The following TAF4B variants were observed in gnomAD, a reference collection of about 807,000 sequenced individuals.
TAF4B encodes the protein transcription initiation factor TFIID subunit 4B.
TAF4B carries 38 observed loss-of-function variants against 86.4 expected under a neutral mutation model. The ratio of observed to expected loss-of-function variants is 0.44; its 90% CI spans 0.34 to 0.58. TAF4B has a LOEUF of 0.58. Among genes scored for constraint, TAF4B ranks in the 20% least tolerant of loss-of-function variants. The pLI, the probability that TAF4B is intolerant of heterozygous loss-of-function variation, is 0.02. For synonymous variants in TAF4B, 388 were observed against 391.2 expected, an observed-to-expected ratio of 0.99 and a Z score of 0.10; for missense variants, 988 against 1,027.6, an observed-to-expected ratio of 0.96 and a Z score of 0.53.
In TAF4B at chr18:26,377,569, A is replaced by G. The variant is rs565022246; in HGVS notation, c.2422-12276A>G. ...AAAACCGTAAAGTAGATTAATTAGT[A>G]TCTGCTTGCTTTAACTTGAATGTGT... On this transcript the variant is annotated intron_variant, in intron 14 of 14. Coordinates refer to ENST00000269142, the MANE Select transcript of TAF4B (RefSeq NM_005640.3). Among the ~76,000 whole-genome samples, 16 of 152,328 alleles carry G rather than the reference A, an allele frequency of 1.1e-4. No individual in the cohort carries two copies. The East Asian group carries it at 3.1e-3, about 29-fold the overall frequency.
chr18:26,329,669 T>A (rs2057035919), intron 12 of TAF4B, among the ~76,000 whole-genome samples: 1 of 152,264 alleles, frequency 6.6e-6, no homozygotes, highest in Non-Finnish European at 1.5e-5. Context: ...TCTTTCCTTA[T>A]GATTTGACTT....
chr18:26,295,353 G>A (rs766201567), intron 9 of TAF4B: 16 of 189,290 alleles, frequency 8.5e-5, no homozygotes, highest in Non-Finnish European at 1.6e-4. Context: ...TAACATTTTT[G>A]GCACCAGGGA....
intron 6 of TAF4B, among the ~76,000 whole-genome samples, chr18:26,283,402 A>G (rs563534137): frequency 1.6e-4 from 24 of 152,238 alleles, no homozygotes; most frequent in African/African-American, 5.5e-4. Flanking sequence ...TGTATTGTCA[A>G]TGAGTGGTAA....
intron 5 of TAF4B, among the ~76,000 whole-genome samples, chr18:26,278,841 G>A (rs2056413326): frequency 6.6e-6 from 1 of 152,076 alleles, no homozygotes; most frequent in Admixed American, 6.5e-5. Flanking sequence ...TAAGCAATGT[G>A]TAAAGGTTCC....
rs1484111730 is a variant in TAF4B at position 26,315,155 on chromosome 18, T to TCACACACACA, written c.1833-73_1833-72insACACACACAC. ...CTCTCTCTCTCTCTCTGTCTCTCTC[T>TCACACACACA]CTCTCTCACACACACACACACACAC... is the stretch of plus-strand genomic sequence containing the variant. On this transcript the variant is annotated intron_variant, in intron 9 of 14. Transcript: ENST00000269142. 8.6e-5 allele frequency: 40 copies of TCACACACACA among 465,778 alleles called. 1 individual carries two copies. The highest frequency in any genetic ancestry group is 5.1e-4 in the African/African-American group (17 of 33,028). The allele number at this position is 465,778 out of a possible 1,614,324, so 28.9% of individuals were successfully genotyped here. A position where few individuals can be genotyped will look rare whatever the true frequency, so the allele number is the denominator to read the frequency against.
rs369752845 is a variant in TAF4B, at chr18:26,390,218, G to C, written c.*206G>C. ...ATTCATCTTTGTCTTCTGAAAATCA[G>C]TTATGAAATACACTTTGCACAGAAT... On this transcript the variant is annotated 3_prime_UTR_variant, in exon 15 of 15. Coordinates refer to ENST00000269142, the MANE Select transcript of TAF4B (RefSeq NM_005640.3). 2.0e-6 allele frequency: 1 copy of C among 505,172 alleles called. No individual in the cohort carries two copies. The highest frequency in any genetic ancestry group is 3.3e-5 in the East Asian group (1 of 29,930). 31.3% of individuals were successfully genotyped at this position (505,172 alleles called of 1,614,324 possible).
At chr18:26,354,053 G>T (rs762463146) in intron 13 of TAF4B, among the ~76,000 whole-genome samples, 4 of 152,086 alleles carry the variant, frequency 2.6e-5, no homozygotes, top group Non-Finnish European at 5.9e-5. Flanking sequence ...TTTGCACGTG[G>T]ATGTTCAGTT....
chr18:26,300,077 G>C (rs2056712316), intron 9 of TAF4B, among the ~76,000 whole-genome samples: 1 of 152,018 alleles, frequency 6.6e-6, no homozygotes, highest in Non-Finnish European at 1.5e-5. Flanking sequence ...AAACTCCTGG[G>C]CTCAAGCCAT....
In TAF4B at chr18:26,315,275, C is replaced by T. The variant is rs1259306621; in HGVS notation, c.1879C>T (p.Leu627Phe). The change falls in exon 10 of 15, where the codon CTT becomes TTT. Residue 627 changes from leucine (L) to phenylalanine (F), a missense_variant. Around this residue, in one of 3 missense-constraint regions of TAF4B, gnomAD observed 25 missense variants for 51.3 expected, o/e 0.49. Transcript: ENST00000269142. ...TGTGACTTCTATGGCAGGGGTCAAC[C>T]TTAATGAAGAAAATGCCTGCATCTT... The part of the protein sequence containing the change: ...NDVTSMAGVN[L>F]NEENACILAT... 8.7e-6 allele frequency: 14 copies of T among 1,612,474 alleles called. No individual in the cohort carries two copies. Among genetic ancestry groups the T allele is most frequent in the Non-Finnish European group, 1.2e-5 (14 of 1,179,824 alleles).
At chr18:26,361,317 G>T (rs1341385234) in intron 14 of TAF4B, among the ~76,000 whole-genome samples, 1 of 149,768 alleles carries the variant, frequency 6.7e-6, no homozygotes, top group Non-Finnish European at 1.5e-5. Context: ...AGAGACAAGG[G>T]TCTCACTATG....
At chr18:26,241,836 T>A (rs2055844362) in intron 1 of TAF4B, among the ~76,000 whole-genome samples, 1 of 152,248 alleles carries the variant, frequency 6.6e-6, no homozygotes, top group African/African-American at 2.4e-5. Flanking sequence ...CTTCATTTCG[T>A]TATGTATCCA....
chr18:26,228,733 C>T lies in TAF4B; in HGVS notation c.343+1457C>T, dbSNP rs973528152. Among the ~76,000 whole-genome samples, 4 of 152,210 alleles carry T rather than the reference C, an allele frequency of 2.6e-5. No individual in the cohort carries two copies. In the South Asian group the frequency reaches 8.3e-4, roughly 32 times the overall value. The stretch of plus-strand genomic sequence containing the variant: ...AGCCAAGATATCTTGCCACTGCACT[C>T]CAGCCCAGGCAACAGAGTGAGACTC... On this transcript the variant is annotated intron_variant, in intron 1 of 14. Transcript: ENST00000269142.
chr18:26,315,095 A>ACTCTCTCT (rs58691265), intron 9 of TAF4B, 134 bp from the exon 10 acceptor site: 2,525 of 219,602 alleles, frequency 0.011, 60 homozygotes, highest in East Asian at 0.033. Context: ...GCTCTCTGAA[A>ACTCTCTCT]CTCTCTCTCT....
At chr18:26,297,801 T>C (rs953865787) in intron 9 of TAF4B, among the ~76,000 whole-genome samples, 1 of 152,188 alleles carries the variant, frequency 6.6e-6, no homozygotes, top group Admixed American at 6.5e-5. Context: ...CTGGGAACAC[T>C]TGTGTCTATA....
rs1420483761 is a variant in TAF4B, at chr18:26,390,919, A to G, written c.*907A>G. ...GTACCAGATGTTTTCAAATTAGAGT[A>G]TTTCAAAAGGAAAATGTTATTTTTT... On this transcript the variant is annotated 3_prime_UTR_variant, in exon 15 of 15. Transcript: ENST00000269142. 5 of 152,350 alleles carry G rather than the reference A, an allele frequency of 3.3e-5. No individual in the cohort carries two copies. The highest frequency in any genetic ancestry group is 1.2e-4 in the African/African-American group (5 of 41,582). The allele number at this position is 152,350 out of a possible 1,614,324, so 9.4% of individuals were successfully genotyped here. A position where few individuals can be genotyped will look rare whatever the true frequency, so the allele number is the denominator to read the frequency against.
At chr18:26,267,132 T>G (rs1313955761) in intron 2 of TAF4B, 10 of 155,340 alleles carry the variant, frequency 6.4e-5, no homozygotes, top group Admixed American at 6.4e-4. Flanking sequence ...TAGTTTGGTT[T>G]AACTGCTGTG....
At position 26,282,027 on chromosome 18, in the gene TAF4B, T is replaced by C; in HGVS notation, c.939T>C (p.Ser313=). The C allele has an allele frequency of 1.2e-6, 2 of 1,613,522 alleles. No individual in the cohort carries two copies. Among genetic ancestry groups the C allele is most frequent in the Non-Finnish European group, 1.7e-6 (2 of 1,179,756 alleles). Residue 313 remains serine (S), a synonymous_variant, in exon 6 of 15, where the codon TCT becomes TCC. Coordinates refer to ENST00000269142, the MANE Select transcript of TAF4B (RefSeq NM_005640.3). ...FTRKLYVELK[S]SPQPHLVPFL... is the part of the protein sequence containing the mutation. Reference sequence around the variant, plus strand: ...GGAAACTGTATGTTGAACTCAAGTCTTCACCTCAGCCTCACCTGGTTCCTT... The same window carrying C: ...GGAAACTGTATGTTGAACTCAAGTCCTCACCTCAGCCTCACCTGGTTCCTT...
rs1002167930 is a variant in TAF4B, at chr18:26,391,438, C to T, written c.*1426C>T. 1 of 150,652 alleles carries T rather than the reference C, an allele frequency of 6.6e-6. No homozygotes were observed. The highest frequency in any genetic ancestry group is 2.4e-5 in the African/African-American group (1 of 41,092). The allele number at this position is 150,652 out of a possible 1,614,324, so 9.3% of individuals were successfully genotyped here. A position where few individuals can be genotyped will look rare whatever the true frequency, so the allele number is the denominator to read the frequency against. On this transcript the variant is annotated 3_prime_UTR_variant, in exon 15 of 15. Coordinates refer to ENST00000269142, the MANE Select transcript of TAF4B (RefSeq NM_005640.3). ...TTGGGACTGTTATGGCCATATTCTACAGTATAGTAAATTTTAAATTGGCCA... is the reference window on the plus strand; with the variant it reads ...TTGGGACTGTTATGGCCATATTCTATAGTATAGTAAATTTTAAATTGGCCA...
intron 13 of TAF4B, among the ~76,000 whole-genome samples, chr18:26,345,692 C>A (rs2057171272): frequency 6.6e-6 from 1 of 151,666 alleles, no homozygotes; most frequent in South Asian, 2.1e-4. Context: ...TCTGTGAAAC[C>A]TCCTCCATAA....
Sources: gnomAD v4.1 joint callset for allele counts (sites outside exome capture counted in the v4.1 genomes callset) on GRCh38, gnomAD v4.1.1 for gene constraint, gnomAD v4.1.1 regional missense constraint, MANE v1.5 for transcripts, NCBI Gene and HGNC (gene_info 2026-07-23, HGNC 2026-07-21) for gene names.